FLRT1: variants seen among roughly 807,000 people sequenced by gnomAD.
FLRT1 encodes leucine-rich repeat transmembrane protein FLRT1.
In FLRT1, 14 loss-of-function variants were observed where a neutral mutation model predicts 30.9. That is an observed-to-expected ratio of 0.45 (90% confidence interval 0.30 to 0.71). The LOEUF is 0.71. Among genes scored for constraint, FLRT1 ranks in the 30% least tolerant of loss-of-function variants. The pLI, the probability that FLRT1 is intolerant of heterozygous loss-of-function variation, is 0.08. For missense variants in FLRT1, 737 were observed against 949.2 expected (o/e 0.78, Z 2.94); for synonymous variants, 368 against 430.4 (o/e 0.85, Z 1.80).
intron 1 of FLRT1, among the ~76,000 whole-genome samples, chr11:64,083,813 T>C (rs903171630): frequency 2.6e-5 from 4 of 152,144 alleles, no homozygotes; most frequent in African/African-American, 9.7e-5. Flanking sequence ...CAGCAGGGGT[T>C]GGCATCAACA....
At chr11:64,110,338 C>G (rs940227941) in intron 2 of FLRT1, among the ~76,000 whole-genome samples, 3 of 151,726 alleles carry the variant, frequency 2.0e-5, no homozygotes, top group Non-Finnish European at 2.9e-5. Context: ...GGTCCCAGCT[C>G]TGCAGGAGGC....
intron 2 of FLRT1, 42 bp from the exon 3 acceptor site, chr11:64,116,177 C>T (rs971662531): frequency 2.7e-5 from 40 of 1,505,848 alleles, no homozygotes; most frequent in Non-Finnish European, 3.2e-5. Flanking sequence ...GGGTCGCTGT[C>T]GCCGCCTCCC....
chr11:64,073,650 C>T (rs1944148154), intron 1 of FLRT1, among the ~76,000 whole-genome samples: 1 of 152,170 alleles, frequency 6.6e-6, no homozygotes, highest in Non-Finnish European at 1.5e-5. Flanking sequence ...TACGTCTGGG[C>T]CGGGAGCCTG....
Position 64,116,824 on chromosome 11 carries a change from G to A in FLRT1, c.557G>A (p.Arg186Gln), listed in dbSNP as rs373200373. 2.3e-5 allele frequency: 37 copies of A among 1,613,058 alleles called. No individual in the cohort carries two copies. Among genetic ancestry groups the A allele is most frequent in the Non-Finnish European group, 2.9e-5 (34 of 1,179,964 alleles). ...SKQLKLLFLS[R>Q]NHLSSIPSGL... ...CAGCTCAAGCTGCTCTTCCTGAGCC[G>A]GAACCACCTGAGCAGCATCCCCTCG... The change falls in exon 3 of 3, where the codon CGG becomes CAG. Residue 186 changes from arginine to glutamine, a missense_variant. By Grantham distance (43) the Arg-to-Gln change is conservative (BLOSUM62 1). Transcript: ENST00000682287.
chr11:64,069,443 A>C (rs1470433650), intron 1 of FLRT1, among the ~76,000 whole-genome samples: 2 of 151,944 alleles, frequency 1.3e-5, no homozygotes, highest in East Asian at 1.9e-4. Context: ...CTTGGAGCCC[A>C]CTCCCCAAGG....
In FLRT1 at chr11:64,117,396, G is replaced by A. The variant is rs771388314; in HGVS notation, c.1129G>A (p.Glu377Lys). ...AIKDITSEMDECFETGPQGGV... is the reference protein window; with the variant it reads ...AIKDITSEMDKCFETGPQGGV... ...CAAGGACATTACCAGCGAGATGGAC[G>A]AGTGTTTTGAGACGGGGCCGCAGGG... Residue 377 changes from glutamate to lysine, a missense_variant, in exon 3 of 3, where the codon GAG (glutamate) becomes AAG (lysine). Coordinates refer to ENST00000682287, the MANE Select transcript of FLRT1 (RefSeq NM_013280.5). The A allele has an allele frequency of 2.5e-6, 4 of 1,612,052 alleles. No homozygotes were observed. The highest frequency in any genetic ancestry group is 2.2e-5 in the East Asian group (1 of 44,842).
intron 1 of FLRT1, among the ~76,000 whole-genome samples, chr11:64,063,450 G>A (rs1039004903): frequency 3.9e-5 from 6 of 152,072 alleles, no homozygotes; most frequent in South Asian, 4.1e-4. Flanking sequence ...CAGGGGTGGC[G>A]AATTGTGCTT....
At chr11:64,042,909 T>TTCTTCCCAC (rs888574273) in intron 1 of FLRT1, among the ~76,000 whole-genome samples, 1 of 152,192 alleles carries the variant, frequency 6.6e-6, no homozygotes, top group African/African-American at 2.4e-5. Context: ...CTGGTTTATC[T>TTCTTCCCAC]TCTTCCCACT....
chr11:64,036,980 G>C lies in FLRT1; in HGVS notation c.-1038+821G>C, dbSNP rs946432127. Among the ~76,000 whole-genome samples, 2 of 152,228 alleles carry C rather than the reference G, an allele frequency of 1.3e-5. No individual in the cohort carries two copies. Among genetic ancestry groups the C allele is most frequent in the Admixed American group, 1.3e-4 (2 of 15,288 alleles). On this transcript the variant is annotated intron_variant, in intron 1 of 2. Coordinates refer to ENST00000682287, the MANE Select transcript of FLRT1 (RefSeq NM_013280.5). The surrounding 1 kb of genome is among the most constrained non-coding windows in gnomAD (Gnocchi z 5.6). ...CCGAGGAGGAGAAAGTTGTGGAACA[G>C]GGACACCAGGGAGCTGCCACAGCCT...
At chr11:64,088,869 C>T (rs555712570) in intron 1 of FLRT1, among the ~76,000 whole-genome samples, 12 of 152,132 alleles carry the variant, frequency 7.9e-5, no homozygotes, top group South Asian at 2.1e-4. Flanking sequence ...GGATCGCAGG[C>T]GGAATCGGGT....
chr11:64,090,551 G>A lies in FLRT1; in HGVS notation c.-1037-12643G>A, dbSNP rs948053329. On this transcript the variant is annotated intron_variant, in intron 1 of 2. Transcript: ENST00000682287. This position sits in a 1 kb window ranked among gnomAD's most constrained non-coding sequence, Gnocchi z 4.7. ...CGACCGGCTCTGCCTGCTCACAGGT[G>A]GCTGGGCCAGGAGGCTCCGGGATGA... Among the ~76,000 whole-genome samples, 8 of 152,160 alleles carry A rather than the reference G, an allele frequency of 5.3e-5. No individual in the cohort carries two copies. The highest frequency in any genetic ancestry group is 8.8e-5 in the Non-Finnish European group (6 of 68,034).
intron 1 of FLRT1, among the ~76,000 whole-genome samples, chr11:64,060,912 T>C (rs576369473): frequency 4.7e-4 from 71 of 152,012 alleles, no homozygotes; most frequent in African/African-American, 1.5e-3. Context: ...CTTTGCATAT[T>C]CATGACCTTG....
At chr11:64,039,640 TG>T (rs938639784) in intron 1 of FLRT1, among the ~76,000 whole-genome samples, 3 of 152,324 alleles carry the variant, frequency 2.0e-5, no homozygotes, top group African/African-American at 7.2e-5. Flanking sequence ...TGGAGTTCTC[TG>T]GCAGCAGCTG....
chr11:64,038,191 C>T (rs1943419177), intron 1 of FLRT1, among the ~76,000 whole-genome samples: 1 of 152,192 alleles, frequency 6.6e-6, no homozygotes, highest in Non-Finnish European at 1.5e-5. Context: ...GCTGCCATCC[C>T]ACTGGTCACC....
intron 1 of FLRT1, among the ~76,000 whole-genome samples, chr11:64,058,323 C>T (rs894092781): frequency 2.6e-5 from 4 of 152,256 alleles, no homozygotes; most frequent in Non-Finnish European, 4.4e-5. Flanking sequence ...CCATCTCAGC[C>T]CCCATCCGAA....
intron 1 of FLRT1, among the ~76,000 whole-genome samples, chr11:64,087,913 G>A (rs1944422534): frequency 6.6e-6 from 1 of 152,218 alleles, no homozygotes; most frequent in Admixed American, 6.5e-5. Flanking sequence ...ACAGGGGAGA[G>A]GTGGAGAGGC....
chr11:64,117,862 G>A lies in FLRT1; in HGVS notation c.1595G>A (p.Ser532Asn), dbSNP rs1314539415. 1.9e-6 allele frequency: 3 copies of A among 1,614,168 alleles called. No homozygotes were observed. Among genetic ancestry groups the A allele is most frequent in the Non-Finnish European group, 2.5e-6 (3 of 1,180,046 alleles). ...PVCAKAETADSYGPTTTLNQE... is the reference protein window; with the variant it reads ...PVCAKAETADNYGPTTTLNQE... The stretch of plus-strand genomic sequence containing the variant: ...TGTGCCAAGGCAGAGACAGCCGACA[G>A]CTATGGCCCTACCACCACACTCAAC... Residue 532 changes from serine (S) to asparagine (N), a missense_variant, in exon 3 of 3, where the codon AGC becomes AAC. Physicochemically the swap from Ser to Asn is conservative, Grantham distance 46. Transcript: ENST00000682287.
intron 1 of FLRT1, among the ~76,000 whole-genome samples, chr11:64,038,880 G>A (rs1417975760): frequency 4.6e-5 from 7 of 152,192 alleles, no homozygotes; most frequent in Non-Finnish European, 1.0e-4. Context: ...CAAGTGACCC[G>A]TCTTCCTCAT....
chr11:64,073,902 T>C (rs1379292284), intron 1 of FLRT1, among the ~76,000 whole-genome samples: 2 of 152,080 alleles, frequency 1.3e-5, no homozygotes, highest in Non-Finnish European at 2.9e-5. Flanking sequence ...TTAGGGGCTC[T>C]GGGGTTGAAG....
Sources: allele counts gnomAD v4.1 joint callset (sites outside exome capture counted in the v4.1 genomes callset), GRCh38; gene constraint gnomAD v4.1.1; non-coding constraint Gnocchi (gnomAD v3.1); transcripts MANE v1.5; gene names NCBI Gene and HGNC (gene_info 2026-07-23, HGNC 2026-07-21).